Variants in TNC observed in about 807,000 individuals in gnomAD.
TNC encodes tenascin.
A neutral mutation model predicts 202.4 loss-of-function variants in TNC; 109 were observed. That is an observed-to-expected ratio of 0.54 (90% CI 0.46 to 0.63). The LOEUF (loss-of-function observed/expected upper bound fraction) is 0.63. Ranked by LOEUF, TNC falls within the 30% of genes least tolerant of loss-of-function variation. The probability of loss-of-function intolerance (pLI) is 0.00; values close to 1 mark genes in which losing one functional copy is unlikely to be tolerated. For missense variants in TNC, 2,756 were observed against 2,833.3 expected (o/e 0.97, Z 0.62); for synonymous variants, 1,007 against 1,089.7 (o/e 0.92, Z 1.50).
chr9:115,030,206 C>G, intron 24 of TNC, 48 bp downstream of exon 24: 2 of 1,547,488 alleles, frequency 1.3e-6, no homozygotes, highest in Admixed American at 3.5e-5. Flanking sequence ...TTTGCCCTCT[C>G]CCTCTTCCCC....
At chr9:115,069,407 AGAGAG>A (rs1349456680) in intron 10 of TNC, among the ~76,000 whole-genome samples, 4 of 151,498 alleles carry the variant, frequency 2.6e-5, no homozygotes, top group African/African-American at 4.8e-5. Context: ...GAAAAGGGAG[AGAGAG>A]GAGAGGAGAG....
In TNC at chr9:115,057,443, AG is replaced by A. The variant is rs1832220417; in HGVS notation, c.4307-19del. 8 of 1,565,524 alleles carry A rather than the reference AG, an allele frequency of 5.1e-6. No homozygotes were observed. The highest frequency in any genetic ancestry group is 6.9e-6 in the Non-Finnish European group (8 of 1,164,748). On this transcript the variant is annotated intron_variant, in intron 14 of 27. Coordinates refer to ENST00000350763, the MANE Select transcript of TNC (RefSeq NM_002160.4). The stretch of plus-strand genomic sequence containing the variant: ...TTCTTTGGCTGTAAAAGGAAGGGGT[AG>A]GGGAGAAGAAAAAAATAAATTTGAG...
chr9:115,048,345 G>A lies in TNC; in HGVS notation c.4767C>T (p.Leu1589=). Residue 1589 remains leucine, a synonymous_variant, in exon 16 of 28, where the codon CTC becomes CTT. Transcript: ENST00000350763. ...GTQRKLELRG[L]ITGIGYEVMV... is the part of the protein sequence containing the mutation. ...TAACCTCATAGCCAATGCCAGTTAT[G>A]AGGCCTCTAAGCTCCAGCTTCCTCT... 1 of 1,614,060 alleles carries A rather than the reference G, an allele frequency of 6.2e-7. No individual in the cohort carries two copies. The highest frequency in any genetic ancestry group is 8.5e-7 in the Non-Finnish European group (1 of 1,179,972).
chr9:115,101,058 C>A (rs1377987346), intron 1 of TNC, among the ~76,000 whole-genome samples: 2 of 152,048 alleles, frequency 1.3e-5, no homozygotes, highest in African/African-American at 4.8e-5. Flanking sequence ...TTTTACTTTT[C>A]TGTCTATCTA....
rs542390659 is a variant in TNC at position 115,035,128 on chromosome 9, A to G, written c.5787+76T>C. 50 of 1,466,320 alleles carry G rather than the reference A, an allele frequency of 3.4e-5. No individual in the cohort carries two copies. The African/African-American group carries it at 6.5e-4, about 19-fold the overall frequency. The allele number at this position is 1,466,320 out of a possible 1,614,324, so 90.8% of individuals were successfully genotyped here. ...TGCACTGGGGTAGAAAAACAGCATC[A>G]GGTAATTCTTCCATACTTTGAAGAT... On this transcript the variant is annotated intron_variant, in intron 22 of 27. Coordinates refer to ENST00000350763, the MANE Select transcript of TNC (RefSeq NM_002160.4).
Position 115,059,927 on chromosome 9 carries a change from G to A in TNC, c.4109C>T (p.Ala1370Val), listed in dbSNP as rs769303942. 7 of 1,614,112 alleles carry A rather than the reference G, an allele frequency of 4.3e-6. No homozygotes were observed. Among genetic ancestry groups the A allele is most frequent in the South Asian group, 2.2e-5 (2 of 91,080 alleles). The change falls in exon 14 of 28, where the codon GCT (alanine) becomes GTT (valine). Residue 1370 changes from alanine to valine, a missense_variant. Coordinates refer to ENST00000350763, the MANE Select transcript of TNC (RefSeq NM_002160.4). ...GACAAAGTGCTCATAGGCATTGTCA[G>A]CTGCGGTCCAGTTGAGTCTGAGGCC... ...WDGLRLNWTA[A>V]DNAYEHFVIQ...
At position 115,081,788 on chromosome 9, in the gene TNC, C is replaced by G. The variant is rs770395526; in HGVS notation, c.2388G>C (p.Lys796Asn). 1 of 1,614,022 alleles carries G rather than the reference C, an allele frequency of 6.2e-7. No individual in the cohort carries two copies. Among genetic ancestry groups the G allele is most frequent in the South Asian group, 1.1e-5 (1 of 91,070 alleles). Reference protein sequence around the residue: ...VKNNTRGPGLKRVTTTRLDAP... With the variant: ...VKNNTRGPGLNRVTTTRLDAP... ...GATACTCACGTGTGGTGGTCACCCT[C>G]TTCAGGCCAGGGCCCCGGGTATTGT... Residue 796 changes from lysine to asparagine, a missense_variant, in exon 6 of 28, where the codon AAG (lysine) becomes AAC (asparagine). Around this residue, in one of 2 missense-constraint regions of TNC, gnomAD observed 2,559 missense variants for 2,546.0 expected, o/e 1.01. Coordinates refer to ENST00000350763, the MANE Select transcript of TNC (RefSeq NM_002160.4).
rs541366583 is a variant in TNC, at chr9:115,079,542, G to A, written c.2405-1330C>T. On this transcript the variant is annotated intron_variant, in intron 6 of 27. Coordinates refer to ENST00000350763, the MANE Select transcript of TNC (RefSeq NM_002160.4). The stretch of plus-strand genomic sequence containing the variant: ...CTTGCATTAAAGAAGTTGGGTTTCC[G>A]TCAAGGACACTGATATCCCCCTAGA... Among the ~76,000 whole-genome samples the A allele has an allele frequency of 4.6e-5, 7 of 152,254 alleles. No individual in the cohort carries two copies. In the East Asian group the frequency reaches 9.7e-4, roughly 21 times the overall value.
intron 14 of TNC, among the ~76,000 whole-genome samples, chr9:115,057,655 T>TATAATATAATATAA (rs1832238866): frequency 6.6e-6 from 1 of 152,250 alleles, no homozygotes; most frequent in Non-Finnish European, 1.5e-5. Context: ...TTTCTCTACA[T>TATAATATAATATAA]GCAGTTGCCA....
intron 19 of TNC, 49 bp downstream of exon 19, chr9:115,040,892 C>G: frequency 6.5e-7 from 1 of 1,529,256 alleles, no homozygotes; most frequent in Non-Finnish European, 8.8e-7. Context: ...CACAAGTGAC[C>G]TCTGAAAAAT....
At chr9:115,089,476 CTA>C (rs1399940159) in intron 2 of TNC, among the ~76,000 whole-genome samples, 4 of 121,148 alleles carry the variant, frequency 3.3e-5, no homozygotes, top group South Asian at 2.5e-4. Flanking sequence ...TGCAAAATCC[CTA>C]TCTCTCTCTC....
rs1434882940 is a variant in TNC at position 115,064,811 on chromosome 9, A to T, written c.3323T>A (p.Val1108Glu). ...DQAYEHFIIQ[V>E]QEANKVEAAR... ...TGCCTCCACCTTGTTGGCCTCCTGC[A>T]CCTGAATGATAAAGTGCTCATAGGC... The change falls in exon 11 of 28, where the codon GTG becomes GAG. Residue 1108 changes from valine (V) to glutamate (E), a missense_variant. This residue lies in a region of TNC where 2,559 missense variants were observed against 2,546.0 expected (regional missense o/e 1.01). Transcript: ENST00000350763. The T allele has an allele frequency of 1.9e-6, 3 of 1,614,126 alleles. No homozygotes were observed. The highest frequency in any genetic ancestry group is 2.5e-6 in the Non-Finnish European group (3 of 1,180,022).
Position 115,064,766 on chromosome 9 carries a change from G to A in TNC, c.3368C>T (p.Pro1123Leu). The A allele has an allele frequency of 1.2e-6, 2 of 1,614,178 alleles. No individual in the cohort carries two copies. Among genetic ancestry groups the A allele is most frequent in the Non-Finnish European group, 1.7e-6 (2 of 1,180,032 alleles). Residue 1123 changes from proline to leucine, a missense_variant, in exon 11 of 28, where the codon CCT becomes CTT. By Grantham distance (98) the Pro-to-Leu change is moderately conservative (BLOSUM62 -3). Around this residue, in one of 2 missense-constraint regions of TNC, gnomAD observed 2,559 missense variants for 2,546.0 expected, o/e 1.01. Coordinates refer to ENST00000350763, the MANE Select transcript of TNC (RefSeq NM_002160.4). The part of the protein sequence containing the change: ...KVEAARNLTV[P>L]GSLRAVDIPG... ...TATGTCCACAGCCCGAAGGCTGCCAGGCACGGTGAGGTTCCGAGCTGCCTC... is the reference window on the plus strand; with the variant it reads ...TATGTCCACAGCCCGAAGGCTGCCAAGCACGGTGAGGTTCCGAGCTGCCTC...
intron 1 of TNC, among the ~76,000 whole-genome samples, chr9:115,114,847 T>A (rs1837340061): frequency 6.6e-6 from 1 of 152,186 alleles, no homozygotes; most frequent in African/African-American, 2.4e-5. Context: ...AAAATTGAGC[T>A]AGTAATTTAT....
At chr9:115,026,721 A>G (rs1457869596) in intron 25 of TNC, 26 bp from the exon 26 acceptor site, 1 of 1,611,820 alleles carries the variant, frequency 6.2e-7, no homozygotes, top group Non-Finnish European at 8.5e-7. Context: ...AAGGGTTGCT[A>G]AGAAGCACAG....
chr9:115,072,119 T>G (rs1833513428), intron 10 of TNC, among the ~76,000 whole-genome samples: 1 of 152,234 alleles, frequency 6.6e-6, no homozygotes, highest in Non-Finnish European at 1.5e-5. Flanking sequence ...TACCTTTCCC[T>G]GCCTCCCTTA....
intron 1 of TNC, among the ~76,000 whole-genome samples, chr9:115,094,449 G>T (rs977301630): frequency 6.6e-6 from 1 of 152,198 alleles, no homozygotes; most frequent in South Asian, 2.1e-4. Flanking sequence ...ATATTCTCAT[G>T]CAGACAACTG....
At chr9:115,098,938 ATTTTT>A (rs35624621) in intron 1 of TNC, among the ~76,000 whole-genome samples, 48 of 127,326 alleles carry the variant, frequency 3.8e-4, no homozygotes, top group African/African-American at 1.1e-3. Context: ...TTAAGTGTGT[ATTTTT>A]TTTTTTTTTT....
chr9:115,041,681 T>A (rs143321684), intron 18 of TNC, among the ~76,000 whole-genome samples: 115 of 152,338 alleles, frequency 7.5e-4, no homozygotes, highest in African/African-American at 2.7e-3. Flanking sequence ...ATCCTCTCTT[T>A]ATACACTTTC....
Sources: allele counts gnomAD v4.1 joint callset (sites outside exome capture counted in the v4.1 genomes callset), GRCh38; gene constraint gnomAD v4.1.1; regional missense constraint gnomAD v4.1.1; transcripts MANE v1.5; gene names NCBI Gene and HGNC (gene_info 2026-07-23, HGNC 2026-07-21).